PEPD: variants seen among roughly 807,000 people sequenced by gnomAD.
PEPD encodes xaa-Pro dipeptidase.
A neutral mutation model predicts 60.7 loss-of-function variants in PEPD; 53 were observed. That is an observed-to-expected ratio of 0.87 (90% confidence interval 0.70 to 1.10). The LOEUF (loss-of-function observed/expected upper bound fraction) is 1.10. PEPD is among the 50% of genes least tolerant of loss of function. The pLI, the probability that PEPD is intolerant of heterozygous loss-of-function variation, is 0.00. For missense variants in PEPD, 711 were observed against 711.9 expected, an observed-to-expected ratio of 1.00 and a Z score of 0.01; for synonymous variants, 267 against 284.1, an observed-to-expected ratio of 0.94 and a Z score of 0.60.
chr19:33,409,225 C>T (rs1968709093), intron 11 of PEPD, among the ~76,000 whole-genome samples: 1 of 152,250 alleles, frequency 6.6e-6, no homozygotes, highest in Non-Finnish European at 1.5e-5. Flanking sequence ...AGCTCATGGC[C>T]ACGTGGCTCT....
chr19:33,479,720 C>T (rs535312920), intron 6 of PEPD, among the ~76,000 whole-genome samples: 5 of 152,176 alleles, frequency 3.3e-5, no homozygotes, highest in Admixed American at 6.5e-5. Flanking sequence ...CAGCCTCCAG[C>T]TCCATCCATG....
chr19:33,463,867 T>A lies in PEPD; in HGVS notation c.624+120A>T, dbSNP rs3745970. On this transcript the variant is annotated intron_variant, in intron 8 of 14. Coordinates refer to ENST00000244137, the MANE Select transcript of PEPD (RefSeq NM_000285.4). ...AGAACAATCACTGTGTAAAACTTCC[T>A]ACCTCTCACTTGGCCCTCAGGGATT... 0.094 allele frequency: 68,579 copies of A among 730,616 alleles called. 3,413 individuals carry two copies. Among genetic ancestry groups the A allele is most frequent in the East Asian group, 0.15 (5,467 of 37,260 alleles). 45.3% of individuals were successfully genotyped at this position (730,616 alleles called of 1,614,324 possible).
chr19:33,421,637 T>A (rs1183009875), intron 9 of PEPD, among the ~76,000 whole-genome samples: 1 of 152,050 alleles, frequency 6.6e-6, no homozygotes, highest in Admixed American at 6.6e-5. Context: ...ACTACAGACA[T>A]GCACCACCAT....
intron 9 of PEPD, among the ~76,000 whole-genome samples, chr19:33,419,478 G>A (rs1208839475): frequency 6.6e-6 from 1 of 152,232 alleles, no homozygotes; most frequent in Non-Finnish European, 1.5e-5. Context: ...AGAGGATGCT[G>A]CAGTCAGAAC....
intron 7 of PEPD, among the ~76,000 whole-genome samples, chr19:33,468,601 C>T (rs73926512): frequency 0.046 from 7,000 of 152,344 alleles, 542 homozygotes; most frequent in African/African-American, 0.16. Context: ...GGGAGCAGCC[C>T]ATGCCAGCCA....
intron 6 of PEPD, among the ~76,000 whole-genome samples, chr19:33,488,679 T>A (rs897545417): frequency 1.3e-5 from 2 of 152,052 alleles, no homozygotes; most frequent in African/African-American, 4.8e-5. Context: ...GCAAACCTAC[T>A]ACCCGCCCCT....
Position 33,500,954 on chromosome 19 carries a change from A to C in PEPD, c.377T>G (p.Val126Gly), listed in dbSNP as rs771596498. 1.9e-6 allele frequency: 3 copies of C among 1,602,096 alleles called. No individual in the cohort carries two copies. The Admixed American group carries it at 5.0e-5, about 27-fold the overall frequency. ...HFKEKYAVDD[V>G]QYVDEIASVL... Reference sequence around the variant, plus strand: ...GCTACCCACCTCATCTACGTACTGGACGTCGTCCACGGCATACTTCTCCTT... The same window carrying C: ...GCTACCCACCTCATCTACGTACTGGCCGTCGTCCACGGCATACTTCTCCTT... The change falls in exon 4 of 15, where the codon GTC becomes GGC. Residue 126 changes from valine to glycine, a missense_variant. Coordinates refer to ENST00000244137, the MANE Select transcript of PEPD (RefSeq NM_000285.4).
At chr19:33,410,274 T>C (rs6510378) in intron 11 of PEPD, among the ~76,000 whole-genome samples, 50,766 of 152,302 alleles carry the variant, frequency 0.33, 12,164 homozygotes, top group African/African-American at 0.68. Flanking sequence ...CAGCATGGCC[T>C]GAGCTGGAAC....
chr19:33,387,203 G>C lies in PEPD; in HGVS notation c.*141C>G. 1.0e-6 allele frequency: 1 copy of C among 983,262 alleles called. No homozygotes were observed. The allele number at this position is 983,262 out of a possible 1,614,324, so 60.9% of individuals were successfully genotyped here. On this transcript the variant is annotated 3_prime_UTR_variant, in exon 15 of 15. Coordinates refer to ENST00000244137, the MANE Select transcript of PEPD (RefSeq NM_000285.4). Reference sequence around the variant, plus strand: ...TGTTTCCTCCCCGGGAAACAGCACTGTTTGGTCTGATCAAATGCCGAAGCT... The same window carrying C: ...TGTTTCCTCCCCGGGAAACAGCACTCTTTGGTCTGATCAAATGCCGAAGCT...
intron 9 of PEPD, among the ~76,000 whole-genome samples, chr19:33,431,925 G>A (rs781537630): frequency 4.0e-5 from 6 of 149,246 alleles, no homozygotes; most frequent in African/African-American, 1.2e-4. Flanking sequence ...CCTGGGAGGC[G>A]GAGGCTGCAG....
Position 33,484,114 on chromosome 19 carries a change from C to T in PEPD, c.503+5882G>A, listed in dbSNP as rs539578904. On this transcript the variant is annotated intron_variant, in intron 6 of 14. Coordinates refer to ENST00000244137, the MANE Select transcript of PEPD (RefSeq NM_000285.4). ...CTTTCAGGATCCTTAACTATACAAA[C>T]AGAACTATATGATTCAAAGTCAACC... Among the ~76,000 whole-genome samples, 212 of 152,288 alleles carry T rather than the reference C, an allele frequency of 1.4e-3. 1 individual carries two copies. The highest frequency in any genetic ancestry group is 4.3e-3 in the African/African-American group (180 of 41,556).
chr19:33,387,081 G>A lies in PEPD; in HGVS notation c.*263C>T, dbSNP rs922180324. 4 of 526,678 alleles carry A rather than the reference G, an allele frequency of 7.6e-6. No individual in the cohort carries two copies. Among genetic ancestry groups the A allele is most frequent in the African/African-American group, 3.8e-5 (2 of 52,874 alleles). 32.6% of individuals were successfully genotyped at this position (526,678 alleles called of 1,614,324 possible). On this transcript the variant is annotated 3_prime_UTR_variant, in exon 15 of 15. Transcript: ENST00000244137. The stretch of plus-strand genomic sequence containing the variant: ...AAGACACATTTTAGTTGCTACTAAA[G>A]AACAGCATTATTTTCAATCATTTTA...
chr19:33,412,131 C>T (rs953437163), intron 10 of PEPD, among the ~76,000 whole-genome samples: 11 of 152,210 alleles, frequency 7.2e-5, no homozygotes, highest in African/African-American at 2.7e-4. Flanking sequence ...ATCACTTGAG[C>T]CCACAAGTTC....
At chr19:33,521,683 C>G in intron 1 of PEPD, 61 bp downstream of exon 1, 1 of 1,530,778 alleles carries the variant, frequency 6.5e-7, no homozygotes, top group Admixed American at 1.9e-5. Flanking sequence ...CGCGGTCCGG[C>G]CGGGACACCC....
chr19:33,442,269 G>A (rs1166748214), intron 9 of PEPD, among the ~76,000 whole-genome samples: 2 of 152,024 alleles, frequency 1.3e-5, no homozygotes, highest in Non-Finnish European at 2.9e-5. Flanking sequence ...GCATGGTGGA[G>A]GGTGGGGGGC....
At chr19:33,441,271 T>A (rs372554685) in intron 9 of PEPD, among the ~76,000 whole-genome samples, 1 of 152,222 alleles carries the variant, frequency 6.6e-6, no homozygotes, top group Non-Finnish European at 1.5e-5. Context: ...CGGGTGAGGC[T>A]GGCCTTTGGC....
intron 3 of PEPD, among the ~76,000 whole-genome samples, chr19:33,505,262 A>G (rs1270001509): frequency 6.6e-6 from 1 of 151,932 alleles, no homozygotes; most frequent in Non-Finnish European, 1.5e-5. Flanking sequence ...TGCTCTCCAC[A>G]GAAGGCAGCG....
chr19:33,420,561 G>A (rs918079195), intron 9 of PEPD, among the ~76,000 whole-genome samples: 2 of 152,046 alleles, frequency 1.3e-5, no homozygotes, highest in Non-Finnish European at 2.9e-5. Flanking sequence ...AATTAGCCAG[G>A]CATGGTGGCA....
At chr19:33,501,752 G>C (rs868405876) in intron 3 of PEPD, among the ~76,000 whole-genome samples, 1 of 151,972 alleles carries the variant, frequency 6.6e-6, no homozygotes, top group African/African-American at 2.4e-5. Context: ...ACCCAGGCTG[G>C]AGTGCTGTGG....
Sources: allele counts gnomAD v4.1 joint callset (sites outside exome capture counted in the v4.1 genomes callset), GRCh38; gene constraint gnomAD v4.1.1; transcripts MANE v1.5; gene names NCBI Gene and HGNC (gene_info 2026-07-23, HGNC 2026-07-21).